Variants in LRRC37A2 observed in about 807,000 individuals in gnomAD.
The protein encoded by LRRC37A2 is leucine-rich repeat-containing protein 37A2.
In LRRC37A2, 9 loss-of-function variants were observed where a neutral mutation model predicts 68.8. The observed-to-expected ratio is 0.13, with a 90% CI of 0.08 to 0.23. LRRC37A2 has a LOEUF of 0.23. LRRC37A2 is among the 10% of genes least tolerant of loss of function. LRRC37A2 has a pLI of 1.00. For synonymous variants in LRRC37A2, 63 were observed against 367.6 expected, an observed-to-expected ratio of 0.17 and a Z score of 9.48; for missense variants, 168 against 950.4, an observed-to-expected ratio of 0.18 and a Z score of 10.82.
chr17:46,964,602 C>T, the LRRC37A2 span: 1 of 152,224 alleles, frequency 6.6e-6, no homozygotes, highest in South Asian at 2.1e-4. Flanking sequence ...TCTCAGAGAC[C>T]ATCTAGTCCA....
At chr17:46,521,492 G>T (rs1443126423) in intron 4 of LRRC37A2, among the ~76,000 whole-genome samples, 1 of 57,082 alleles carries the variant, frequency 1.8e-5, no homozygotes, top group African/African-American at 6.0e-5. Flanking sequence ...TAAACATGGT[G>T]GGCAATGCAG....
At chr17:46,791,110 C>A in the LRRC37A2 span, among the ~76,000 whole-genome samples, 2 of 152,164 alleles carry the variant, frequency 1.3e-5, no homozygotes, top group Non-Finnish European at 2.9e-5. Flanking sequence ...CACTCTTTGG[C>A]TTCAAGGCAG....
the LRRC37A2 span, among the ~76,000 whole-genome samples, chr17:46,873,231 CTTTG>C: frequency 6.6e-6 from 1 of 152,048 alleles, no homozygotes; most frequent in Non-Finnish European, 1.5e-5. Flanking sequence ...TTATCTGTCC[CTTTG>C]TTTGTCACAT....
chr17:46,963,543 CAA>C, the LRRC37A2 span, among the ~76,000 whole-genome samples: 72,212 of 137,800 alleles, frequency 0.52, 19,123 homozygotes, highest in Middle Eastern at 0.71. Flanking sequence ...GGCTCGGTCT[CAA>C]AAAAAAAAAA....
At chr17:46,960,122 C>G in the LRRC37A2 span, among the ~76,000 whole-genome samples, 2 of 152,188 alleles carry the variant, frequency 1.3e-5, no homozygotes, top group African/African-American at 4.8e-5. Context: ...TACCAAAAGA[C>G]TGGTATCCAA....
At chr17:46,739,521 C>G in the LRRC37A2 span, among the ~76,000 whole-genome samples, 2 of 151,648 alleles carry the variant, frequency 1.3e-5, no homozygotes, top group Non-Finnish European at 2.9e-5. Context: ...CCTGGGCAAC[C>G]AGAGTGAGAC....
At chr17:46,815,399 T>C in the LRRC37A2 span, among the ~76,000 whole-genome samples, 1 of 152,262 alleles carries the variant, frequency 6.6e-6, no homozygotes, top group Non-Finnish European at 1.5e-5. Flanking sequence ...ACTCAGGGTG[T>C]CATGCTTGAG....
chr17:46,919,337 T>C, the LRRC37A2 span, among the ~76,000 whole-genome samples: 1 of 152,098 alleles, frequency 6.6e-6, no homozygotes, highest in Admixed American at 6.5e-5. Flanking sequence ...GGTTTAGCCA[T>C]ACAAGAAAAA....
At chr17:46,583,975 T>TTATATATATATA in the LRRC37A2 span, among the ~76,000 whole-genome samples, 166 of 10,294 alleles carry the variant, frequency 0.016, 2 homozygotes, top group Admixed American at 0.11. Context: ...CGTATATGTT[T>TTATATATATATA]TATATATATA....
At chr17:46,860,272 G>T in the LRRC37A2 span, among the ~76,000 whole-genome samples, 1 of 152,140 alleles carries the variant, frequency 6.6e-6, no homozygotes, top group Non-Finnish European at 1.5e-5. Flanking sequence ...CAGACTCCCG[G>T]GCTGGAATCT....
At chr17:46,940,952 T>G in the LRRC37A2 span, 75 of 1,245,288 alleles carry the variant, frequency 6.0e-5, no homozygotes, top group African/African-American at 1.0e-3. Flanking sequence ...AGTGTGACTC[T>G]CTCCACCGCC....
the LRRC37A2 span, among the ~76,000 whole-genome samples, chr17:46,956,560 C>T: frequency 6.6e-6 from 1 of 152,220 alleles, no homozygotes; most frequent in Non-Finnish European, 1.5e-5. Flanking sequence ...CCTTGGCCTA[C>T]CAAAGTGCTG....
chr17:47,026,775 G>A, the LRRC37A2 span, among the ~76,000 whole-genome samples: 1 of 152,152 alleles, frequency 6.6e-6, no homozygotes, highest in African/African-American at 2.4e-5. Context: ...ATTTGAATTA[G>A]TTCAAAGTTA....
chr17:46,775,848 C>T, the LRRC37A2 span, among the ~76,000 whole-genome samples: 3 of 151,958 alleles, frequency 2.0e-5, no homozygotes, highest in Non-Finnish European at 4.4e-5. Context: ...CTCCTGACCT[C>T]GTGATCCACA....
the LRRC37A2 span, among the ~76,000 whole-genome samples, chr17:46,748,117 AT>A: frequency 3.3e-5 from 5 of 151,920 alleles, no homozygotes; most frequent in Non-Finnish European, 7.4e-5. Context: ...TTATTTATTT[AT>A]TTTTTTGAGA....
the LRRC37A2 span, among the ~76,000 whole-genome samples, chr17:46,981,694 AATT>A: frequency 3.9e-5 from 6 of 152,056 alleles, no homozygotes; most frequent in Non-Finnish European, 7.4e-5. Flanking sequence ...AAGTTATTAA[AATT>A]ATTATTTTAT....
chr17:46,490,664 C>T, the LRRC37A2 span, among the ~76,000 whole-genome samples: 246 of 145,736 alleles, frequency 1.7e-3, 14 homozygotes, highest in African/African-American at 6.2e-3. Context: ...GCGGAGGTTG[C>T]AGTGAGCCGA....
the LRRC37A2 span, among the ~76,000 whole-genome samples, chr17:47,010,230 C>G: frequency 6.6e-6 from 1 of 152,218 alleles, no homozygotes; most frequent in African/African-American, 2.4e-5. Flanking sequence ...TCCTCTGGCC[C>G]CGCACACATG....
At chr17:46,728,632 T>G in the LRRC37A2 span, among the ~76,000 whole-genome samples, 1 of 152,060 alleles carries the variant, frequency 6.6e-6, no homozygotes, top group African/African-American at 2.4e-5. Context: ...TCTTATATTT[T>G]AAGCATTTAG....
Sources: allele counts gnomAD v4.1 joint callset (sites outside exome capture counted in the v4.1 genomes callset), GRCh38; gene constraint gnomAD v4.1.1; transcripts MANE v1.5; gene names NCBI Gene and HGNC (gene_info 2026-07-23, HGNC 2026-07-21).